BCL7A: variants seen among roughly 807,000 people sequenced by gnomAD.
The protein encoded by BCL7A is B-cell CLL/lymphoma 7 protein family member A.
A neutral mutation model predicts 28.4 loss-of-function variants in BCL7A; 11 were observed. The observed-to-expected ratio is 0.39, with a 90% CI of 0.24 to 0.64. The LOEUF (loss-of-function observed/expected upper bound fraction) is 0.64, where lower values mean the gene tolerates loss of function less well. Ranked by LOEUF, BCL7A falls within the 30% of genes least tolerant of loss-of-function variation. The pLI is 0.50. For synonymous variants in BCL7A, 123 were observed against 103.3 expected (o/e 1.19, Z -1.15); for missense variants, 222 against 274.8 (o/e 0.81, Z 1.36).
rs889229158 is a variant in BCL7A at position 122,049,421 on chromosome 12, C to T, written c.439+5368C>T. Among the ~76,000 whole-genome samples the T allele has an allele frequency of 4.0e-5, 6 of 151,896 alleles. No individual in the cohort carries two copies. The East Asian group carries it at 9.7e-4, about 24-fold the overall frequency. The stretch of plus-strand genomic sequence containing the variant: ...GAGAGGCCGGGCGTGGTGGCTCATA[C>T]CTGTATTCCCAGCACTTTGGGAGGC... On this transcript the variant is annotated intron_variant, in intron 4 of 5. Transcript: ENST00000261822.
At chr12:122,042,204 A>G (rs1316941527) in intron 3 of BCL7A, among the ~76,000 whole-genome samples, 1 of 152,118 alleles carries the variant, frequency 6.6e-6, no homozygotes, top group Non-Finnish European at 1.5e-5. Flanking sequence ...TCTTCTTTGT[A>G]TTGTGAAGGG....
chr12:122,035,639 T>G (rs1326824197), intron 3 of BCL7A, among the ~76,000 whole-genome samples: 1 of 152,198 alleles, frequency 6.6e-6, no homozygotes, highest in African/African-American at 2.4e-5. Context: ...AGACATAAAC[T>G]AAGCCAGAGA....
At chr12:122,043,426 G>A (rs1163252232) in intron 3 of BCL7A, among the ~76,000 whole-genome samples, 1 of 149,888 alleles carries the variant, frequency 6.7e-6, no homozygotes, top group Non-Finnish European at 1.5e-5. Flanking sequence ...TGGGGGTCAG[G>A]GGGCGGGAGT....
intron 3 of BCL7A, among the ~76,000 whole-genome samples, chr12:122,037,784 T>C (rs1322413620): frequency 6.6e-6 from 1 of 151,986 alleles, no homozygotes; most frequent in Admixed American, 6.6e-5. Flanking sequence ...CTGTCTCTAC[T>C]AAAAAATTTA....
chr12:122,038,508 A>G (rs564547372), intron 3 of BCL7A, among the ~76,000 whole-genome samples: 5 of 150,884 alleles, frequency 3.3e-5, no homozygotes, highest in African/African-American at 1.2e-4. Context: ...AGCCCCCCCA[A>G]CCAGCCATAC....
Position 122,045,014 on chromosome 12 carries a change from C to T in BCL7A, c.439+961C>T, listed in dbSNP as rs146432157. On this transcript the variant is annotated intron_variant, in intron 4 of 5. Transcript: ENST00000261822. The stretch of plus-strand genomic sequence containing the variant: ...TGAATAAGACAAGGCTCAAACTGGG[C>T]GACTGAGCAAGCCATGTGGGGATCT... Among the ~76,000 whole-genome samples, 24 of 152,030 alleles carry T rather than the reference C, an allele frequency of 1.6e-4. No individual in the cohort carries two copies. The East Asian group carries it at 1.7e-3, about 11-fold the overall frequency.
At position 122,054,910 on chromosome 12, in the gene BCL7A, C is replaced by A. The variant is rs201508537; in HGVS notation, c.545C>A (p.Thr182Lys). The stretch of plus-strand genomic sequence containing the variant: ...GGAGACTCGGGTCTGGCCGCAGAGA[C>A]GTCTGCAATCTCTCAGGTACCTCGC... ...PSGDSGLAAETSAISQDLEGV... is the reference protein window; with the variant it reads ...PSGDSGLAAEKSAISQDLEGV... Residue 182 changes from threonine (T) to lysine (K), a missense_variant, in exon 5 of 6, where the codon ACG becomes AAG. Thr to Lys is a moderately conservative substitution (Grantham distance 78). This residue lies in a region of BCL7A where 155 missense variants were observed against 145.7 expected (regional missense o/e 1.06). Transcript: ENST00000261822. The A allele has an allele frequency of 3.7e-5, 60 of 1,614,062 alleles. No homozygotes were observed. Among genetic ancestry groups the A allele is most frequent in the Non-Finnish European group, 2.1e-5 (25 of 1,180,038 alleles).
intron 1 of BCL7A, among the ~76,000 whole-genome samples, chr12:122,024,625 C>G (rs1406110742): frequency 1.3e-5 from 2 of 152,080 alleles, no homozygotes; most frequent in African/African-American, 4.8e-5. Flanking sequence ...TGGTCACCAA[C>G]CATGCATTTC....
chr12:122,056,664 G>C (rs1050361911), intron 5 of BCL7A, among the ~76,000 whole-genome samples: 5 of 152,110 alleles, frequency 3.3e-5, no homozygotes, highest in African/African-American at 1.2e-4. Context: ...AAATTAGCCA[G>C]GCATGGTGGT....
chr12:122,055,322 C>T (rs760917298), intron 5 of BCL7A, among the ~76,000 whole-genome samples: 2 of 152,182 alleles, frequency 1.3e-5, no homozygotes, highest in African/African-American at 2.4e-5. Flanking sequence ...TCCGACGGAG[C>T]GGTGCTGCTG....
chr12:122,047,262 G>A (rs1884096149), intron 4 of BCL7A, among the ~76,000 whole-genome samples: 1 of 151,508 alleles, frequency 6.6e-6, no homozygotes, highest in Non-Finnish European at 1.5e-5. Flanking sequence ...AGTGGCTCAT[G>A]CCTGTAATCC....
chr12:122,049,038 ATAT>A (rs1884136608), intron 4 of BCL7A, among the ~76,000 whole-genome samples: 14 of 44,624 alleles, frequency 3.1e-4, no homozygotes, highest in African/African-American at 1.3e-3. Flanking sequence ...AAAAAAAAAT[ATAT>A]ATATATATAT....
chr12:122,035,566 C>T (rs747228226), intron 3 of BCL7A, 139 bp downstream of exon 3: 21 of 703,020 alleles, frequency 3.0e-5, no homozygotes, highest in Non-Finnish European at 4.6e-5. Context: ...CCGGCGGCCT[C>T]TGTGCCAAGG....
At chr12:122,046,370 C>T (rs1185406989) in intron 4 of BCL7A, among the ~76,000 whole-genome samples, 1 of 152,154 alleles carries the variant, frequency 6.6e-6, no homozygotes, top group Admixed American at 6.6e-5. Flanking sequence ...CAGCTAGGGC[C>T]ACCCCAGGGC....
chr12:122,024,951 G>T, intron 1 of BCL7A, among the ~76,000 whole-genome samples: 1 of 119,830 alleles, frequency 8.3e-6, no homozygotes, highest in African/African-American at 3.2e-5. Flanking sequence ...CCCACCCACT[G>T]TCCCCTGATG....
intron 5 of BCL7A, among the ~76,000 whole-genome samples, chr12:122,055,566 T>C (rs1951872680): frequency 6.6e-6 from 1 of 152,194 alleles, no homozygotes; most frequent in Non-Finnish European, 1.5e-5. Flanking sequence ...GGACACAAGA[T>C]GCAGAGGTGT....
chr12:122,050,398 A>C (rs1486644728), intron 4 of BCL7A, among the ~76,000 whole-genome samples: 1 of 152,130 alleles, frequency 6.6e-6, no homozygotes, highest in Non-Finnish European at 1.5e-5. Flanking sequence ...GGATAGGGGC[A>C]GGGGTAAAAT....
chr12:122,040,436 G>A (rs1883943034), intron 3 of BCL7A, among the ~76,000 whole-genome samples: 1 of 151,724 alleles, frequency 6.6e-6, no homozygotes, highest in African/African-American at 2.4e-5. Flanking sequence ...GGGAGGCTGA[G>A]GCAGGAAAAT....
chr12:122,030,563 C>G, intron 1 of BCL7A, 137 bp from the exon 2 acceptor site: 1 of 774,996 alleles, frequency 1.3e-6, no homozygotes, highest in South Asian at 1.6e-5. Flanking sequence ...CCAGGGCCTC[C>G]CGCTAGTGAG....
Sources: gnomAD v4.1 joint callset for allele counts (sites outside exome capture counted in the v4.1 genomes callset) on GRCh38, gnomAD v4.1.1 for gene constraint, gnomAD v4.1.1 regional missense constraint, MANE v1.5 for transcripts, NCBI Gene and HGNC (gene_info 2026-07-23, HGNC 2026-07-21) for gene names.